The following GNPTG variants were observed in gnomAD, a reference collection of about 807,000 sequenced individuals.
GNPTG encodes the protein N-acetylglucosamine-1-phosphotransferase subunit gamma.
Under a neutral mutation model 43.8 loss-of-function variants are expected in GNPTG, and 46 were observed. The observed-to-expected ratio is 1.05, with a 90% CI of 0.83 to 1.34. The LOEUF (loss-of-function observed/expected upper bound fraction) is 1.34, where lower values mean the gene tolerates loss of function less well. GNPTG is among the 40% of genes most tolerant of loss of function. The pLI, the probability that GNPTG is intolerant of heterozygous loss-of-function variation, is 0.00. For missense variants in GNPTG, 549 were observed against 411.3 expected (o/e 1.33, Z -2.90); for synonymous variants, 250 against 172.8 (o/e 1.45, Z -3.50).
Position 1,363,253 on chromosome 16 carries a change from T to C in GNPTG, c.*162T>C, listed in dbSNP as rs2034976575. 1.4e-6 allele frequency: 1 copy of C among 690,896 alleles called. No individual in the cohort carries two copies. Among genetic ancestry groups the C allele is most frequent in the Admixed American group, 2.2e-5 (1 of 44,850 alleles). 42.8% of individuals were successfully genotyped at this position (690,896 alleles called of 1,614,324 possible). A position where few individuals can be genotyped will look rare whatever the true frequency, so the allele number is the denominator to read the frequency against. ...TCCCATACTGATAAAAATAACTCCATGAATTCTGTAAACCATTGCATAAAT... is the reference window on the plus strand; with the variant it reads ...TCCCATACTGATAAAAATAACTCCACGAATTCTGTAAACCATTGCATAAAT... On this transcript the variant is annotated 3_prime_UTR_variant, in exon 11 of 11. Coordinates refer to ENST00000204679, the MANE Select transcript of GNPTG (RefSeq NM_032520.5).
intron 3 of GNPTG, among the ~76,000 whole-genome samples, chr16:1,357,487 T>C (rs2034798998): frequency 1.4e-5 from 2 of 141,920 alleles, no homozygotes; most frequent in Admixed American, 1.4e-4. Flanking sequence ...TTCGACTTTA[T>C]TATTATTATT....
intron 3 of GNPTG, among the ~76,000 whole-genome samples, chr16:1,352,917 A>G (rs1247442738): frequency 2.6e-5 from 4 of 151,798 alleles, no homozygotes; most frequent in Non-Finnish European, 5.9e-5. Context: ...GAGTATATAT[A>G]TCATTTAAAC....
Position 1,361,756 on chromosome 16 carries a change from C to T in GNPTG, c.192C>T (p.Leu64=). 1 of 1,614,030 alleles carries T rather than the reference C, an allele frequency of 6.2e-7. No homozygotes were observed. The highest frequency in any genetic ancestry group is 2.2e-5 in the East Asian group (1 of 44,896). ...DPSPVSGPVH[L]FRLSGKCFSL... ...GGTCTCTTCCAGGACCCGTGCATCT[C>T]TTCCGACTCTCGGGCAAGTGCTTCA... The change falls in exon 4 of 11, where the codon CTC becomes CTT. Residue 64 remains leucine (L), a synonymous_variant. Transcript: ENST00000204679.
chr16:1,354,958 G>A (rs1247340117), intron 3 of GNPTG, among the ~76,000 whole-genome samples: 3 of 151,206 alleles, frequency 2.0e-5, no homozygotes, highest in African/African-American at 7.3e-5. Context: ...GGCGTGGAAA[G>A]TCCCCCGCGT....
intron 3 of GNPTG, among the ~76,000 whole-genome samples, chr16:1,356,436 G>T (rs899614841): frequency 1.3e-5 from 2 of 152,186 alleles, no homozygotes; most frequent in African/African-American, 2.4e-5. Context: ...CCCAAGAGGC[G>T]TGGAGGGGCC....
At chr16:1,361,440 C>T (rs1378223603) in intron 3 of GNPTG, 4 of 372,968 alleles carry the variant, frequency 1.1e-5, no homozygotes, top group African/African-American at 4.2e-5. Flanking sequence ...GTCAGGAGAT[C>T]GAGACCATCC....
Position 1,362,712 on chromosome 16 carries a change from G to A in GNPTG, c.711G>A (p.Leu237=), listed in dbSNP as rs1443489626. ...AGCTGGAGGGAGGTCCTGACAGCTT[G>A]GGGTTTGAGACCCTGGAAAACTGCA... The part of the protein sequence containing the change: ...PTQLEGGPDS[L]GFETLENCRK... Residue 237 remains leucine (L), a synonymous_variant, in exon 9 of 11, where the codon TTG becomes TTA. Transcript: ENST00000204679. 1.2e-6 allele frequency: 2 copies of A among 1,613,932 alleles called. No homozygotes were observed. Among genetic ancestry groups the A allele is most frequent in the Admixed American group, 1.7e-5 (1 of 60,012 alleles).
rs552402857 is a variant in GNPTG, at chr16:1,361,767, C to G, written c.203C>G (p.Ser68Trp). 7 of 1,611,878 alleles carry G rather than the reference C, an allele frequency of 4.3e-6. No homozygotes were observed. The highest frequency in any genetic ancestry group is 1.7e-4 in the Middle Eastern group (1 of 6,050). Residue 68 changes from serine to tryptophan, a missense_variant, in exon 4 of 11, where the codon TCG becomes TGG. Ser to Trp is a radical substitution (Grantham distance 177, BLOSUM62 -3). Transcript: ENST00000204679. ...GGACCCGTGCATCTCTTCCGACTCTCGGGCAAGTGCTTCAGCCTGGTGGAG... is the reference window on the plus strand; with the variant it reads ...GGACCCGTGCATCTCTTCCGACTCTGGGGCAAGTGCTTCAGCCTGGTGGAG... ...VSGPVHLFRL[S>W]GKCFSLVEST...
chr16:1,352,620 A>C, intron 3 of GNPTG: 3 of 374,050 alleles, frequency 8.0e-6, no homozygotes, highest in East Asian at 5.9e-5. Context: ...TTGTAATCTA[A>C]TCGCTTTTTT....
chr16:1,362,079 G>T lies in GNPTG; in HGVS notation c.359G>T (p.Gly120Val), dbSNP rs1387961728. 3 of 1,611,990 alleles carry T rather than the reference G, an allele frequency of 1.9e-6. No homozygotes were observed. The highest frequency in any genetic ancestry group is 1.1e-5 in the South Asian group (1 of 90,928). ...EWEIANNTFTGMWMRDGDACR... is the reference protein window; with the variant it reads ...EWEIANNTFTVMWMRDGDACR... The stretch of plus-strand genomic sequence containing the variant: ...GAGATCGCCAACAACACCTTCACGG[G>T]CATGTGGATGAGGGACGGTGACGCC... Residue 120 changes from glycine (G) to valine (V), a missense_variant, in exon 6 of 11, where the codon GGC becomes GTC. Transcript: ENST00000204679.
intron 3 of GNPTG, among the ~76,000 whole-genome samples, chr16:1,354,993 C>G (rs1480797202): frequency 6.6e-6 from 1 of 150,728 alleles, no homozygotes; most frequent in Non-Finnish European, 1.5e-5. Context: ...CTGGATACTC[C>G]CCCGCATCTG....
At chr16:1,356,374 G>A (rs898057470) in intron 3 of GNPTG, among the ~76,000 whole-genome samples, 3 of 152,200 alleles carry the variant, frequency 2.0e-5, no homozygotes, top group Non-Finnish European at 2.9e-5. Flanking sequence ...TGGCATTTGG[G>A]GGTGGTGGTA....
chr16:1,354,610 C>G (rs79065469), intron 3 of GNPTG, among the ~76,000 whole-genome samples: 2 of 83,810 alleles, frequency 2.4e-5, no homozygotes, highest in Non-Finnish European at 5.1e-5. Context: ...AAAAAAAAAA[C>G]CCATAAAAAT....
At chr16:1,360,362 C>T (rs1355761013) in intron 3 of GNPTG, among the ~76,000 whole-genome samples, 1 of 152,176 alleles carries the variant, frequency 6.6e-6, no homozygotes, top group Non-Finnish European at 1.5e-5. Flanking sequence ...TAGTGGCTCA[C>T]ACCTGTAATC....
chr16:1,362,960 G>T (rs76827491), intron 10 of GNPTG, 37 bp from the exon 11 acceptor site: 1 of 1,612,130 alleles, frequency 6.2e-7, no homozygotes, highest in African/African-American at 1.3e-5. Flanking sequence ...GCCACCTGTG[G>T]GTCCAGGTGA....
At chr16:1,360,520 A>AGGCT (rs1359956260) in intron 3 of GNPTG, 1 of 152,176 alleles carries the variant, frequency 6.6e-6, no homozygotes, top group Non-Finnish European at 1.5e-5. Context: ...GCTACTCGGG[A>AGGCT]GGCTGAGGCA....
At position 1,362,882 on chromosome 16, in the gene GNPTG, G is replaced by T. The variant is rs370064320; in HGVS notation, c.799G>T (p.Gly267Cys). 4 of 1,613,922 alleles carry T rather than the reference G, an allele frequency of 2.5e-6. No individual in the cohort carries two copies. Among genetic ancestry groups the T allele is most frequent in the Non-Finnish European group, 2.5e-6 (3 of 1,179,970 alleles). Residue 267 changes from glycine (G) to cysteine (C), a missense_variant, in exon 10 of 11, where the codon GGC becomes TGC. Transcript: ENST00000204679. ...GCTGAAAGGTTTGCTCACCCAGCACGGCATCCCCTACACGAGGCCCACAGG... is the reference window on the plus strand; with the variant it reads ...GCTGAAAGGTTTGCTCACCCAGCACTGCATCCCCTACACGAGGCCCACAGG... ...KRLKGLLTQH[G>C]IPYTRPTETS... is the part of the protein sequence containing the mutation.
chr16:1,362,508 C>G lies in GNPTG; in HGVS notation c.583C>G (p.Leu195Val). 1 of 1,614,152 alleles carries G rather than the reference C, an allele frequency of 6.2e-7. No homozygotes were observed. Among genetic ancestry groups the G allele is most frequent in the Non-Finnish European group, 8.5e-7 (1 of 1,180,024 alleles). ...QRQWDQVEQDLADELITPQGH... is the reference protein window; with the variant it reads ...QRQWDQVEQDVADELITPQGH... ...GCAGTGGGACCAGGTAGAGCAGGAC[C>G]TGGCCGATGAGCTGATCACCCCCCA... is the stretch of plus-strand genomic sequence containing the variant. Residue 195 changes from leucine to valine, a missense_variant, in exon 8 of 11, where the codon CTG (leucine) becomes GTG (valine). By Grantham distance (32) the Leu-to-Val change is conservative. Coordinates refer to ENST00000204679, the MANE Select transcript of GNPTG (RefSeq NM_032520.5).
chr16:1,361,536 T>C (rs188796854), intron 3 of GNPTG: 13 of 550,638 alleles, frequency 2.4e-5, no homozygotes, highest in East Asian at 1.0e-4. Flanking sequence ...CCCAGCTACT[T>C]GGGAGGCTGA....
Sources: allele counts gnomAD v4.1 joint callset (sites outside exome capture counted in the v4.1 genomes callset), GRCh38; gene constraint gnomAD v4.1.1; transcripts MANE v1.5; gene names NCBI Gene and HGNC (gene_info 2026-07-23, HGNC 2026-07-21).